Variants in SASH1 observed in about 807,000 individuals in gnomAD.
The protein encoded by SASH1 is SAM and SH3 domain-containing protein 1.
SASH1 carries 44 observed loss-of-function variants against 125.2 expected under a neutral mutation model. That is an observed-to-expected ratio of 0.35 (90% CI 0.28 to 0.45). SASH1 has a LOEUF of 0.45. Ranked by LOEUF, SASH1 falls within the 20% of genes least tolerant of loss-of-function variation. SASH1 has a pLI of 1.00. For synonymous variants in SASH1, 639 were observed against 649.1 expected, an observed-to-expected ratio of 0.98 and a Z score of 0.24; for missense variants, 1,426 against 1,614.5, an observed-to-expected ratio of 0.88 and a Z score of 2.00.
chr6:148,397,386 G>A (rs2114854787), intron 2 of SASH1, among the ~76,000 whole-genome samples: 1 of 152,248 alleles, frequency 6.6e-6, no homozygotes, highest in South Asian at 2.1e-4. Flanking sequence ...CTTGGAGGCT[G>A]AAGCAGGAGA....
At chr6:148,334,973 CAAAA>C (rs71004288) in intron 1 of SASH1, among the ~76,000 whole-genome samples, 4 of 115,286 alleles carry the variant, frequency 3.5e-5, no homozygotes, top group African/African-American at 3.4e-5. Context: ...GACTCCATCT[CAAAA>C]AAAAAAAAAA....
the SASH1 span, among the ~76,000 whole-genome samples, chr6:148,223,525 CTGTT>C: frequency 6.6e-6 from 1 of 152,182 alleles, no homozygotes; most frequent in Non-Finnish European, 1.5e-5. Context: ...AATCCATTGA[CTGTT>C]TGTCTTTAAA....
chr6:148,386,757 CAT>C (rs1269636701), intron 1 of SASH1, among the ~76,000 whole-genome samples: 1 of 152,190 alleles, frequency 6.6e-6, no homozygotes. Flanking sequence ...ATCTGTAACT[CAT>C]AAAAATGGGC....
the SASH1 span, among the ~76,000 whole-genome samples, chr6:148,242,109 G>C: frequency 6.6e-6 from 1 of 152,118 alleles, no homozygotes; most frequent in East Asian, 1.9e-4. Flanking sequence ...AGATAATGTA[G>C]GACTATTCAG....
At chr6:148,258,017 C>A in the SASH1 span, among the ~76,000 whole-genome samples, 2 of 152,106 alleles carry the variant, frequency 1.3e-5, no homozygotes, top group Non-Finnish European at 2.9e-5. Context: ...CAGTGCTTTG[C>A]CCACTGGCAA....
At chr6:148,257,628 C>CTT in the SASH1 span, among the ~76,000 whole-genome samples, 111 of 127,124 alleles carry the variant, frequency 8.7e-4, 1 homozygote, top group African/African-American at 1.2e-3. Flanking sequence ...TGTCAGTTTA[C>CTT]TTTTTTTTTT....
In SASH1 at chr6:148,471,410, TTTTAA is replaced by T; in HGVS notation, c.428-6_428-2del. The T allele has an allele frequency of 7.6e-7, 1 of 1,309,362 alleles. No individual in the cohort carries two copies. The highest frequency in any genetic ancestry group is 1.0e-6 in the Non-Finnish European group (1 of 960,966). 81.1% of individuals were successfully genotyped at this position (1,309,362 alleles called of 1,614,324 possible). ...TCTTTTTTTTTTTTTTTTTTTTTTT[TTTTAA>T]GGAAAAGGAGACTGGAAGAAGAAAA... On this transcript the variant is annotated splice_acceptor_variant and splice_polypyrimidine_tract_variant and intron_variant, in intron 5 of 19. Coordinates refer to ENST00000367467, the MANE Select transcript of SASH1 (RefSeq NM_015278.5). LOFTEE classifies it high-confidence loss of function.
intron 1 of SASH1, among the ~76,000 whole-genome samples, chr6:148,314,914 G>A (rs1292311112): frequency 6.6e-6 from 1 of 151,830 alleles, no homozygotes; most frequent in East Asian, 1.9e-4. Flanking sequence ...CTGCTATCAT[G>A]CCTGGCTAAT....
At chr6:148,282,155 G>A (rs137994399) in intron 1 of SASH1, among the ~76,000 whole-genome samples, 4 of 152,224 alleles carry the variant, frequency 2.6e-5, no homozygotes, top group Non-Finnish European at 2.9e-5. Context: ...AAAGGTCTCC[G>A]CCCGGGGCTA....
chr6:148,194,333 T>C, the SASH1 span, among the ~76,000 whole-genome samples: 1 of 152,140 alleles, frequency 6.6e-6, no homozygotes, highest in African/African-American at 2.4e-5. Flanking sequence ...TTCCAGTGGG[T>C]TTTTTGTTTT....
At chr6:148,410,875 G>C (rs1784594976) in intron 2 of SASH1, among the ~76,000 whole-genome samples, 1 of 152,152 alleles carries the variant, frequency 6.6e-6, no homozygotes, top group African/African-American at 2.4e-5. Context: ...AGACATAAAA[G>C]GCGGCCGGGC....
chr6:148,276,614 C>T (rs1178114052), intron 1 of SASH1, among the ~76,000 whole-genome samples: 1 of 152,170 alleles, frequency 6.6e-6, no homozygotes, highest in East Asian at 1.9e-4. Flanking sequence ...GATGAGAAAG[C>T]TGAGGGCAGG....
In SASH1 at chr6:148,514,374, G is replaced by T; in HGVS notation, c.780G>T (p.Arg260Ser). Residue 260 changes from arginine (R) to serine (S), a missense_variant, in exon 9 of 20, where the codon AGG (arginine) becomes AGT (serine). Arg to Ser is a moderately radical substitution (Grantham distance 110). This residue lies in a region of SASH1 where 567 missense variants were observed against 575.6 expected (regional missense o/e 0.99). Transcript: ENST00000367467. ...DETEESVKFK[R>S]LHKLVNSTRR... ...CTGAGGAGTCGGTGAAGTTTAAGAGGTTACACAAGCTGGTAAACTCCACTC... is the reference window on the plus strand; with the variant it reads ...CTGAGGAGTCGGTGAAGTTTAAGAGTTTACACAAGCTGGTAAACTCCACTC... The T allele has an allele frequency of 6.3e-7, 1 of 1,580,806 alleles. No homozygotes were observed. The highest frequency in any genetic ancestry group is 8.6e-7 in the Non-Finnish European group (1 of 1,160,630).
intron 8 of SASH1, among the ~76,000 whole-genome samples, chr6:148,494,518 A>G (rs1452280268): frequency 6.6e-6 from 1 of 152,058 alleles, no homozygotes; most frequent in Non-Finnish European, 1.5e-5. Context: ...AGAATGTTAT[A>G]CAGGAGGCTG....
At chr6:148,454,241 C>T (rs747767521) in intron 4 of SASH1, among the ~76,000 whole-genome samples, 1 of 152,158 alleles carries the variant, frequency 6.6e-6, no homozygotes, top group East Asian at 1.9e-4. Flanking sequence ...GGAATGTGAG[C>T]GCTGTGGGCC....
chr6:148,304,589 G>A (rs1292099567), intron 1 of SASH1, among the ~76,000 whole-genome samples: 2 of 152,108 alleles, frequency 1.3e-5, no homozygotes, highest in African/African-American at 4.8e-5. Flanking sequence ...CAGCATGGGC[G>A]ACAGAGTGAG....
intron 4 of SASH1, among the ~76,000 whole-genome samples, chr6:148,459,742 T>G (rs1777531557): frequency 6.6e-6 from 1 of 151,962 alleles, no homozygotes; most frequent in Non-Finnish European, 1.5e-5. Flanking sequence ...ATTTAATTTT[T>G]TTAGTGCTTA....
chr6:148,513,742 TAGAAGGAGC>T, intron 8 of SASH1: 1 of 986,064 alleles, frequency 1.0e-6, no homozygotes, highest in South Asian at 4.7e-5. Context: ...TGTGAGCCCT[TAGAAGGAGC>T]CGGGAGAGGC....
the SASH1 span, among the ~76,000 whole-genome samples, chr6:148,199,763 G>A: frequency 2.8e-5 from 4 of 142,240 alleles, no homozygotes; most frequent in East Asian, 2.0e-4. Context: ...GAGAGAAAAA[G>A]GAAGAAAAAG....
Sources: gnomAD v4.1 joint callset for allele counts (sites outside exome capture counted in the v4.1 genomes callset) on GRCh38, gnomAD v4.1.1 for gene constraint, gnomAD v4.1.1 regional missense constraint, MANE v1.5 for transcripts, NCBI Gene and HGNC (gene_info 2026-07-23, HGNC 2026-07-21) for gene names.